PTPRF: variants seen among roughly 807,000 people sequenced by gnomAD.
The protein encoded by PTPRF is protein tyrosine phosphatase receptor type F.
A neutral mutation model predicts 201.8 loss-of-function variants in PTPRF; 59 were observed. The observed-to-expected ratio is 0.29, with a 90% CI of 0.24 to 0.36. The LOEUF (loss-of-function observed/expected upper bound fraction) is 0.36. PTPRF is among the 10% of genes least tolerant of loss of function. The pLI is 1.00. For synonymous variants in PTPRF, 1,088 were observed against 1,089.7 expected (o/e 1.00, Z 0.03); for missense variants, 2,132 against 2,690.5 (o/e 0.79, Z 4.59).
In PTPRF at chr1:43,617,742, C is replaced by T; in HGVS notation, c.4202C>T (p.Pro1401Leu). Residue 1401 changes from proline to leucine, a missense_variant, in exon 25 of 34, where the codon CCC (proline) becomes CTC (leucine). By Grantham distance (98) the Pro-to-Leu change is moderately conservative (BLOSUM62 -3). Coordinates refer to ENST00000359947, the MANE Select transcript of PTPRF (RefSeq NM_002840.5). ...CCTCCTTTCTTATCCATAGGCGTCC[C>T]CGGGAGTGACTACATCAATGCCAAC... ...RVILTSIDGV[P>L]GSDYINANYI... The T allele has an allele frequency of 1.2e-6, 2 of 1,613,266 alleles. No homozygotes were observed. Among genetic ancestry groups the T allele is most frequent in the Non-Finnish European group, 1.7e-6 (2 of 1,179,352 alleles).
In PTPRF at chr1:43,553,023, G is replaced by C. The variant is rs922022626; in HGVS notation, c.92-469G>C. Among the ~76,000 whole-genome samples, 2 of 152,158 alleles carry C rather than the reference G, an allele frequency of 1.3e-5. No individual in the cohort carries two copies. The highest frequency in any genetic ancestry group is 1.3e-4 in the Admixed American group (2 of 15,280). ...TCTCGGTTCCTGGCCGGAGCCCCGG[G>C]GTGGATGGTGGTGCCATCACTGAGA... On this transcript the variant is annotated intron_variant, in intron 3 of 33. Transcript: ENST00000359947. This position sits in a 1 kb window ranked among gnomAD's most constrained non-coding sequence, Gnocchi z 4.1.
At chr1:43,604,642 C>G (rs1399112285) in intron 16 of PTPRF, among the ~76,000 whole-genome samples, 2 of 152,210 alleles carry the variant, frequency 1.3e-5, no homozygotes, top group Non-Finnish European at 2.9e-5. Flanking sequence ...AGCTTTTACA[C>G]TCGCGTTTCT....
Position 43,553,876 on chromosome 1 carries a change from A to G in PTPRF, c.314A>G (p.Tyr105Cys), listed in dbSNP as rs757312037. The change falls in exon 5 of 34, where the codon TAT (tyrosine) becomes TGT (cysteine). Residue 105 changes from tyrosine to cysteine, a missense_variant. Around this residue, in one of 6 missense-constraint regions of PTPRF, gnomAD observed 297 missense variants for 454.0 expected, o/e 0.65. Transcript: ENST00000359947. This position sits in a 1 kb window ranked among gnomAD's most constrained non-coding sequence, Gnocchi z 4.1. ...CGGGTGCAGCGAGATGAAGCCATCT[A>G]TGAGTGTACAGCTACTAACAGCCTG... ...PLRVQRDEAI[Y>C]ECTATNSLGE... 3 of 1,614,076 alleles carry G rather than the reference A, an allele frequency of 1.9e-6. No homozygotes were observed. The highest frequency in any genetic ancestry group is 1.7e-5 in the Admixed American group (1 of 60,008).
chr1:43,623,470 CCT>C lies in PTPRF; in HGVS notation c.*1468_*1469del, dbSNP rs1363660842. ...GGGACGTGGTGCCGACGTCCCCAAA[CCT>C]AGCTAGGCTAAGTCAAGATCAACAT... On this transcript the variant is annotated 3_prime_UTR_variant, in exon 34 of 34. Transcript: ENST00000359947. 1 of 152,602 alleles carries C rather than the reference CCT, an allele frequency of 6.6e-6. No homozygotes were observed. The highest frequency in any genetic ancestry group is 2.4e-5 in the African/African-American group (1 of 41,428). The allele number at this position is 152,602 out of a possible 1,614,324, so 9.5% of individuals were successfully genotyped here. A position where few individuals can be genotyped will look rare whatever the true frequency, so the allele number is the denominator to read the frequency against.
Position 43,603,126 on chromosome 1 carries a change from A to G in PTPRF, c.2341-290A>G, listed in dbSNP as rs1654185106. 6.6e-6 allele frequency among the ~76,000 whole-genome samples: 1 copy of G among 152,176 alleles called. No homozygotes were observed. Among genetic ancestry groups the G allele is most frequent in the South Asian group, 2.1e-4 (1 of 4,830 alleles). ...GTTGATATCCTCAGTCTCCGTTCAC[A>G]GCACAGTGGAGTGAGGGAAACAGTC... On this transcript the variant is annotated intron_variant, in intron 14 of 33. Transcript: ENST00000359947. The surrounding 1 kb of genome is among the most constrained non-coding windows in gnomAD (Gnocchi z 5.8).
At chr1:43,548,841 G>A (rs1455747657) in intron 3 of PTPRF, among the ~76,000 whole-genome samples, 2 of 152,348 alleles carry the variant, frequency 1.3e-5, no homozygotes, top group African/African-American at 4.8e-5. Context: ...GTGTACATGT[G>A]TATGTGTATT....
At position 43,597,803 on chromosome 1, in the gene PTPRF, C is replaced by T. The variant is rs1652740131; in HGVS notation, c.1869C>T (p.Val623=). Reference sequence around the variant, plus strand: ...GTGTGAGCATGGGCTCCACCACGGTCCGGGTAAGTTGGGTCCCGCCGCCTG... The same window carrying T: ...GTGTGAGCATGGGCTCCACCACGGTTCGGGTAAGTTGGGTCCCGCCGCCTG... ...VMCVSMGSTT[V]RVSWVPPPAD... Residue 623 remains valine, a synonymous_variant, in exon 12 of 34, where the codon GTC becomes GTT. Coordinates refer to ENST00000359947, the MANE Select transcript of PTPRF (RefSeq NM_002840.5). The T allele has an allele frequency of 6.2e-7, 1 of 1,606,374 alleles. No individual in the cohort carries two copies. The highest frequency in any genetic ancestry group is 1.1e-5 in the South Asian group (1 of 89,658).
Position 43,603,832 on chromosome 1 carries a change from G to A in PTPRF, c.2680G>A (p.Ala894Thr), listed in dbSNP as rs765598646. 1 of 1,614,132 alleles carries A rather than the reference G, an allele frequency of 6.2e-7. No individual in the cohort carries two copies. The highest frequency in any genetic ancestry group is 1.1e-5 in the South Asian group (1 of 91,086). Residue 894 changes from alanine to threonine, a missense_variant, in exon 16 of 34, where the codon GCC (alanine) becomes ACC (threonine). This residue lies in a region of PTPRF where 818 missense variants were observed against 915.3 expected (regional missense o/e 0.89). Coordinates refer to ENST00000359947, the MANE Select transcript of PTPRF (RefSeq NM_002840.5). The surrounding 1 kb of genome is among the most constrained non-coding windows in gnomAD (Gnocchi z 5.8). ...KGTTYIFRLA[A>T]KNRAGLGEEF... ...GACCACCTACATCTTCCGGCTTGCT[G>A]CCAAGAACCGGGCTGGCTTGGGTGA...
chr1:43,608,034 C>T (rs1437636741), intron 21 of PTPRF, among the ~76,000 whole-genome samples: 1 of 152,244 alleles, frequency 6.6e-6, no homozygotes, highest in Non-Finnish European at 1.5e-5. Flanking sequence ...GAGCCTGTAT[C>T]CTGTGTGCCT....
chr1:43,575,280 G>A (rs1333106230), intron 6 of PTPRF, among the ~76,000 whole-genome samples: 2 of 152,126 alleles, frequency 1.3e-5, no homozygotes, highest in African/African-American at 2.4e-5. Context: ...TCTGCCTCTC[G>A]CCAGCCAGGC....
At chr1:43,606,997 C>T (rs547330620) in intron 21 of PTPRF, 29 bp downstream of exon 21, 20 of 1,608,758 alleles carry the variant, frequency 1.2e-5, no homozygotes, top group African/African-American at 6.7e-5. Context: ...GCTCCGGGAA[C>T]GGCCACCTGC....
chr1:43,545,727 C>A (rs142010225), intron 3 of PTPRF, among the ~76,000 whole-genome samples: 1 of 152,146 alleles, frequency 6.6e-6, no homozygotes, highest in Non-Finnish European at 1.5e-5. Flanking sequence ...AGCATCCCCC[C>A]ACCCCAGCTC....
chr1:43,613,096 C>T (rs1183014250), intron 22 of PTPRF: 9 of 350,054 alleles, frequency 2.6e-5, no homozygotes, highest in Non-Finnish European at 4.5e-5. Context: ...CTCTCATCTC[C>T]TCTCCTCTGT....
At chr1:43,523,328 C>T (rs151321671), upstream of PTPRF, among the ~76,000 whole-genome samples, 18 of 152,208 alleles carry the variant, frequency 1.2e-4, no homozygotes, top group East Asian at 1.9e-4. Context: ...TGTGAATCAT[C>T]GGCAGATGGA....
rs1359561471 is a variant in PTPRF at position 43,569,665 on chromosome 1, C to G, written c.455C>G (p.Ala152Gly). ...QLKVVEKARTATMLCAAGGNP... is the reference protein window; with the variant it reads ...QLKVVEKARTGTMLCAAGGNP... ...AAGGTGGTGGAGAAGGCACGCACAG[C>G]CACCATGCTATGTGCCGCAGGCGGA... The change falls in exon 6 of 34, where the codon GCC becomes GGC. Residue 152 changes from alanine to glycine, a missense_variant. Physicochemically the swap from Ala to Gly is moderately conservative, Grantham distance 60. Coordinates refer to ENST00000359947, the MANE Select transcript of PTPRF (RefSeq NM_002840.5). 1.2e-6 allele frequency: 2 copies of G among 1,614,046 alleles called. No individual in the cohort carries two copies. Among genetic ancestry groups the G allele is most frequent in the Non-Finnish European group, 1.7e-6 (2 of 1,179,908 alleles).
chr1:43,578,804 C>A lies in PTPRF; in HGVS notation c.569-6C>A. On this transcript the variant is annotated splice_polypyrimidine_tract_variant and splice_region_variant and intron_variant, in intron 6 of 33. Transcript: ENST00000359947. ...GTGCCTGACCTCTCGCTTCGTGTAC[C>A]CACAGGTGCCTTGCAGATAGAGAGC... The A allele has an allele frequency of 6.2e-7, 1 of 1,610,924 alleles. No homozygotes were observed. Among genetic ancestry groups the A allele is most frequent in the South Asian group, 1.1e-5 (1 of 90,850 alleles).
chr1:43,572,600 C>T (rs72889038), intron 6 of PTPRF, among the ~76,000 whole-genome samples: 3,546 of 152,276 alleles, frequency 0.023, 143 homozygotes, highest in African/African-American at 0.082. Context: ...TAAGGCTATT[C>T]CGTGCACATT....
In PTPRF at chr1:43,619,107, T is replaced by C. The variant is rs1416830936; in HGVS notation, c.4551T>C (p.His1517=). The change falls in exon 27 of 34, where the codon CAT becomes CAC. Residue 1517 remains histidine, a synonymous_variant. Transcript: ENST00000359947. ...RQFQFMAWPD[H]GVPEYPTPIL... is the part of the protein sequence containing the mutation. ...TTCAGTTCATGGCCTGGCCAGACCATGGAGTTCCTGAGTACCCAACTCCCA... is the reference window on the plus strand; with the variant it reads ...TTCAGTTCATGGCCTGGCCAGACCACGGAGTTCCTGAGTACCCAACTCCCA... The C allele has an allele frequency of 6.2e-7, 1 of 1,613,904 alleles. No homozygotes were observed. The highest frequency in any genetic ancestry group is 8.5e-7 in the Non-Finnish European group (1 of 1,179,938).
At chr1:43,524,050 CAAAAAAAA>C (rs57088994), upstream of PTPRF, among the ~76,000 whole-genome samples, 4 of 80,666 alleles carry the variant, frequency 5.0e-5, no homozygotes, top group Non-Finnish European at 8.9e-5. Flanking sequence ...GAGACTCTGT[CAAAAAAAA>C]AAAAAAAAAA....
Sources: gnomAD v4.1 joint callset for allele counts (sites outside exome capture counted in the v4.1 genomes callset) on GRCh38, gnomAD v4.1.1 for gene constraint, gnomAD v4.1.1 regional missense constraint, Gnocchi (gnomAD v3.1) non-coding constraint, MANE v1.5 for transcripts, NCBI Gene and HGNC (gene_info 2026-07-23, HGNC 2026-07-21) for gene names.